Variants in CPAMD8 observed in about 807,000 individuals in gnomAD.
CPAMD8 encodes C3 and PZP-like alpha-2-macroglobulin domain-containing protein 8.
CPAMD8 carries 146 observed loss-of-function variants against 224.7 expected under a neutral mutation model. The ratio of observed to expected loss-of-function variants is 0.65; its 90% CI spans 0.57 to 0.75. CPAMD8 has a LOEUF of 0.75. Ranked by LOEUF, CPAMD8 falls within the 30% of genes least tolerant of loss-of-function variation. The probability of loss-of-function intolerance (pLI) is 0.00; values close to 1 mark genes in which losing one functional copy is unlikely to be tolerated. For missense variants in CPAMD8, 2,301 were observed against 2,537.5 expected (o/e 0.91, Z 2.00); for synonymous variants, 966 against 1,044.6 (o/e 0.92, Z 1.45).
At chr19:16,973,828 T>C (rs1232147694) in intron 17 of CPAMD8, among the ~76,000 whole-genome samples, 16 of 60,740 alleles carry the variant, frequency 2.6e-4, no homozygotes, top group Admixed American at 2.6e-3. Flanking sequence ...GCATTAGCCC[T>C]TTTTTTTTTT....
chr19:16,945,811 A>C, intron 21 of CPAMD8, 132 bp from the exon 22 acceptor site: 1 of 815,322 alleles, frequency 1.2e-6, no homozygotes, highest in Non-Finnish European at 2.1e-6. Context: ...GTGTATATGC[A>C]GATGTGTGCA....
Position 16,903,724 on chromosome 19 carries a change from T to C in CPAMD8, c.4385A>G (p.Gln1462Arg), listed in dbSNP as rs1489543138. 6.2e-7 allele frequency: 1 copy of C among 1,614,198 alleles called. No individual in the cohort carries two copies. Among genetic ancestry groups the C allele is most frequent in the Admixed American group, 1.7e-5 (1 of 60,024 alleles). ...QETFELHRTN[Q>R]KVLQTAAIPS... ...CACCGCTGCTGTCTGCAGAACCTTCTGGTTGGTCCTGTGCAGCTCGAAGGT... is the reference window on the plus strand; with the variant it reads ...CACCGCTGCTGTCTGCAGAACCTTCCGGTTGGTCCTGTGCAGCTCGAAGGT... The change falls in exon 33 of 42, where the codon CAG becomes CGG. Residue 1462 changes from glutamine to arginine, a missense_variant. Transcript: ENST00000443236.
chr19:16,925,755 AAT>A (rs1491373320), intron 25 of CPAMD8, among the ~76,000 whole-genome samples: 2 of 133,342 alleles, frequency 1.5e-5, no homozygotes, highest in East Asian at 2.6e-4. Flanking sequence ...GTCTTTCTAA[AAT>A]ATTTTTTTTT....
chr19:16,950,448 A>G (rs2054262383), intron 20 of CPAMD8, among the ~76,000 whole-genome samples: 1 of 152,086 alleles, frequency 6.6e-6, no homozygotes. Context: ...CACATCCTGC[A>G]TGACGGGATC....
intron 18 of CPAMD8, among the ~76,000 whole-genome samples, chr19:16,968,906 G>A (rs534005650): frequency 2.4e-4 from 36 of 152,278 alleles, no homozygotes; most frequent in Non-Finnish European, 5.0e-4. Flanking sequence ...CCAAAGTGCT[G>A]GGGTTACAGG....
intron 10 of CPAMD8, among the ~76,000 whole-genome samples, chr19:16,998,348 T>C (rs2056201825): frequency 6.6e-6 from 1 of 152,094 alleles, no homozygotes; most frequent in Non-Finnish European, 1.5e-5. Context: ...TAATCACAGC[T>C]ACATGGGAGG....
At chr19:16,934,541 C>G (rs2053631803) in intron 23 of CPAMD8, among the ~76,000 whole-genome samples, 1 of 152,042 alleles carries the variant, frequency 6.6e-6, no homozygotes, top group African/African-American at 2.4e-5. Context: ...TCTTGAAATG[C>G]TGTTCATAAA....
chr19:17,015,248 T>TA (rs1165704246), intron 3 of CPAMD8, among the ~76,000 whole-genome samples: 1 of 151,694 alleles, frequency 6.6e-6, no homozygotes, highest in African/African-American at 2.4e-5. Flanking sequence ...TCTCAAAAAA[T>TA]AAAAAATAAA....
At chr19:16,926,304 CTTTAT>C (rs559214843) in intron 25 of CPAMD8, among the ~76,000 whole-genome samples, 49 of 150,554 alleles carry the variant, frequency 3.3e-4, no homozygotes, top group Admixed American at 9.2e-4. Context: ...TTCTTTCCTT[CTTTAT>C]TTTATTTTAT....
chr19:16,987,730 G>A lies in CPAMD8; in HGVS notation c.1395+1913C>T, dbSNP rs561081786. Reference sequence around the variant, plus strand: ...CAGTGGCACGATCATGTTTCACTGCGGTCCCAATCTCCCGGGCTCAAGTGA... The same window carrying A: ...CAGTGGCACGATCATGTTTCACTGCAGTCCCAATCTCCCGGGCTCAAGTGA... On this transcript the variant is annotated intron_variant, in intron 13 of 41. Transcript: ENST00000443236. 1.1e-4 allele frequency among the ~76,000 whole-genome samples: 16 copies of A among 152,078 alleles called. No individual in the cohort carries two copies. In the South Asian group the frequency reaches 1.7e-3, roughly 16 times the overall value.
At chr19:16,901,362 C>A in intron 35 of CPAMD8, 65 bp from the exon 36 acceptor site, 1 of 1,117,906 alleles carries the variant, frequency 8.9e-7, no homozygotes, top group Non-Finnish European at 1.3e-6. Context: ...TTCAAGGTCC[C>A]CTCTCCCCCT....
chr19:16,910,299 A>G (rs997637904), intron 29 of CPAMD8, among the ~76,000 whole-genome samples: 1 of 151,634 alleles, frequency 6.6e-6, no homozygotes, highest in African/African-American at 2.4e-5. Flanking sequence ...CCTCCCGAGT[A>G]GCTGGGATTA....
rs3745346 is a variant in CPAMD8, at chr19:17,004,075, T to C, written c.673+198A>G. Among the ~76,000 whole-genome samples, 27,413 of 151,644 alleles carry C rather than the reference T, an allele frequency of 0.18. 2,845 individuals are homozygous for C. The highest frequency in any genetic ancestry group is 0.28 in the African/African-American group (11,570 of 41,326). On this transcript the variant is annotated intron_variant, in intron 8 of 41. Coordinates refer to ENST00000443236, the MANE Select transcript of CPAMD8 (RefSeq NM_015692.5). ...TGCGCGCCACCACGCCCGGCTAATTTTTGTATTTTTAGTAGACACGAGGTT... is the reference window on the plus strand; with the variant it reads ...TGCGCGCCACCACGCCCGGCTAATTCTTGTATTTTTAGTAGACACGAGGTT...
intron 12 of CPAMD8, 120 bp from the exon 13 acceptor site, chr19:16,989,891 G>A (rs1007328695): frequency 2.2e-6 from 2 of 928,824 alleles, no homozygotes; most frequent in Non-Finnish European, 3.4e-6. Context: ...TATCCCTTTG[G>A]GGAACCCCCT....
intron 20 of CPAMD8, among the ~76,000 whole-genome samples, chr19:16,949,305 G>A (rs1043155710): frequency 1.3e-5 from 2 of 152,090 alleles, no homozygotes; most frequent in African/African-American, 2.4e-5. Flanking sequence ...GAGCCAAGCC[G>A]GACATCTGGG....
chr19:16,897,546 C>T, intron 39 of CPAMD8, 145 bp downstream of exon 39: 2 of 571,968 alleles, frequency 3.5e-6, no homozygotes, highest in Non-Finnish European at 3.1e-6. Context: ...GGCAGAGCGC[C>T]CGCCCACCTC....
Position 17,003,313 on chromosome 19 carries a change from G to A in CPAMD8, c.673+960C>T, listed in dbSNP as rs546050373. 4.4e-3 allele frequency among the ~76,000 whole-genome samples: 661 copies of A among 151,696 alleles called. 7 individuals carry two copies. The Middle Eastern group carries it at 0.048, about 11-fold the overall frequency. On this transcript the variant is annotated intron_variant, in intron 8 of 41. Transcript: ENST00000443236. The stretch of plus-strand genomic sequence containing the variant: ...TCTCCTGGGCTCAAGCAATCCTCCC[G>A]CCTCAGCTTCCCGAGTAGCGGGGAC...
intron 7 of CPAMD8, 25 bp downstream of exon 7, chr19:17,008,480 C>A: frequency 6.2e-7 from 1 of 1,611,994 alleles, no homozygotes; most frequent in Non-Finnish European, 8.5e-7. Flanking sequence ...TCTGCAGCCC[C>A]CAAGCCGCAG....
At chr19:16,977,581 C>T in intron 14 of CPAMD8, 41 bp from the exon 15 acceptor site, 10 of 1,486,516 alleles carry the variant, frequency 6.7e-6, no homozygotes, top group Non-Finnish European at 9.0e-6. Flanking sequence ...GAATTCTCCG[C>T]ATCCGACATG....
Sources: allele counts gnomAD v4.1 joint callset (sites outside exome capture counted in the v4.1 genomes callset), GRCh38; gene constraint gnomAD v4.1.1; transcripts MANE v1.5; gene names NCBI Gene and HGNC (gene_info 2026-07-23, HGNC 2026-07-21).